The following ZDHHC14 variants were observed in gnomAD, a reference collection of about 807,000 sequenced individuals.
ZDHHC14 encodes the protein palmitoyltransferase ZDHHC14.
In ZDHHC14, 16 loss-of-function variants were observed where a neutral mutation model predicts 47.7. The observed-to-expected ratio is 0.34, with a 90% confidence interval of 0.23 to 0.51. The LOEUF (loss-of-function observed/expected upper bound fraction) is 0.51. Among genes scored for constraint, ZDHHC14 ranks in the 20% least tolerant of loss-of-function variants. ZDHHC14 has a pLI of 0.97. For missense variants in ZDHHC14, 515 were observed against 662.5 expected (o/e 0.78, Z 2.44); for synonymous variants, 293 against 278.9 (o/e 1.05, Z -0.50).
At chr6:157,526,137 G>A (rs2114774929) in intron 1 of ZDHHC14, among the ~76,000 whole-genome samples, 1 of 152,302 alleles carries the variant, frequency 6.6e-6, no homozygotes, top group East Asian at 1.9e-4. Context: ...TACAAGACTG[G>A]CTCTCCTAGC....
intron 1 of ZDHHC14, among the ~76,000 whole-genome samples, chr6:157,418,568 C>T (rs185667261): frequency 1.3e-5 from 2 of 152,240 alleles, no homozygotes; most frequent in South Asian, 2.1e-4. Context: ...TTTAATAAAA[C>T]GTAGGCCTGG....
intron 4 of ZDHHC14, chr6:157,630,893 TACCC>T (rs1785683870): frequency 9.1e-6 from 1 of 110,328 alleles, no homozygotes; most frequent in South Asian, 3.6e-4. Flanking sequence ...CACACATCCT[TACCC>T]ACATTTACAC....
chr6:157,556,817 A>G lies in ZDHHC14; in HGVS notation c.406+14072A>G, dbSNP rs534873189. ...GGAAGAGATGGCTGCCACCAGCTGA[A>G]GGACAGGCCCGGGCGGGTTCCAGGC... On this transcript the variant is annotated intron_variant, in intron 2 of 8. Coordinates refer to ENST00000359775, the MANE Select transcript of ZDHHC14 (RefSeq NM_024630.3). 1.1e-4 allele frequency among the ~76,000 whole-genome samples: 16 copies of G among 152,308 alleles called. No homozygotes were observed. The South Asian group carries it at 2.1e-3, about 20-fold the overall frequency.
intron 3 of ZDHHC14, 125 bp from the exon 4 acceptor site, chr6:157,628,223 TA>T: frequency 1.0e-6 from 1 of 970,294 alleles, no homozygotes; most frequent in Non-Finnish European, 1.5e-6. Flanking sequence ...AATTTGGAAA[TA>T]TGCAGAATAA....
intron 3 of ZDHHC14, among the ~76,000 whole-genome samples, chr6:157,610,858 G>C (rs924778992): frequency 1.3e-5 from 2 of 152,206 alleles, no homozygotes; most frequent in Non-Finnish European, 2.9e-5. Context: ...CAGCCAATTC[G>C]TAATCAGAGT....
intron 1 of ZDHHC14, among the ~76,000 whole-genome samples, chr6:157,467,523 A>ATTTC (rs1779248953): frequency 7.7e-6 from 1 of 129,992 alleles, no homozygotes; most frequent in African/African-American, 2.7e-5. Context: ...CATTTTATTT[A>ATTTC]TTTATTTATT....
chr6:157,473,655 T>C (rs1265968347), intron 1 of ZDHHC14, among the ~76,000 whole-genome samples: 2 of 152,138 alleles, frequency 1.3e-5, no homozygotes, highest in African/African-American at 4.8e-5. Flanking sequence ...TCCAAAATGC[T>C]CCCAAATCCA....
At chr6:157,432,054 C>G (rs185513706) in intron 1 of ZDHHC14, among the ~76,000 whole-genome samples, 8 of 152,194 alleles carry the variant, frequency 5.3e-5, no homozygotes, top group Non-Finnish European at 2.9e-5. Context: ...GGAAATGTTG[C>G]TTTCATTTTT....
intron 1 of ZDHHC14, among the ~76,000 whole-genome samples, chr6:157,385,319 A>AC (rs1429064012): frequency 6.8e-6 from 1 of 148,082 alleles, no homozygotes; most frequent in Non-Finnish European, 1.5e-5. Context: ...CCTGGGCTCA[A>AC]GCGATCTCCT....
intron 1 of ZDHHC14, among the ~76,000 whole-genome samples, chr6:157,422,572 C>T (rs927254153): frequency 1.4e-4 from 21 of 152,116 alleles, no homozygotes; most frequent in Non-Finnish European, 2.4e-4. Context: ...TCATAGAACC[C>T]GAGGTAACTG....
chr6:157,475,499 G>C (rs1779459793), intron 1 of ZDHHC14, among the ~76,000 whole-genome samples: 1 of 151,766 alleles, frequency 6.6e-6, no homozygotes, highest in Non-Finnish European at 1.5e-5. Flanking sequence ...CATGAACATG[G>C]GATATTTTTA....
chr6:157,642,809 G>A (rs1777319541), intron 5 of ZDHHC14, among the ~76,000 whole-genome samples: 2 of 152,228 alleles, frequency 1.3e-5, no homozygotes, highest in Admixed American at 1.3e-4. Flanking sequence ...CATATAGCCA[G>A]TGGGCCAGTA....
At chr6:157,488,632 C>G (rs1187750757) in intron 1 of ZDHHC14, among the ~76,000 whole-genome samples, 1 of 152,136 alleles carries the variant, frequency 6.6e-6, no homozygotes, top group Non-Finnish European at 1.5e-5. Flanking sequence ...TTGCATTTTC[C>G]TTGTAGCCCT....
chr6:157,392,660 T>TGG (rs1777439512), intron 1 of ZDHHC14, among the ~76,000 whole-genome samples: 1 of 151,718 alleles, frequency 6.6e-6, no homozygotes, highest in Non-Finnish European at 1.5e-5. Context: ...TGTGTGTGTG[T>TGG]GTGTGTGTGT....
chr6:157,472,801 A>G (rs1368825944), intron 1 of ZDHHC14, among the ~76,000 whole-genome samples: 4 of 152,164 alleles, frequency 2.6e-5, no homozygotes, highest in Non-Finnish European at 5.9e-5. Context: ...TGCTCTTAGG[A>G]ACTTAGGAAA....
At chr6:157,547,293 A>G (rs1782014018) in intron 2 of ZDHHC14, among the ~76,000 whole-genome samples, 1 of 152,206 alleles carries the variant, frequency 6.6e-6, no homozygotes, top group Admixed American at 6.5e-5. Flanking sequence ...CGCAGAACCA[A>G]TCACTTTACT....
In ZDHHC14 at chr6:157,645,769, T is replaced by C. The variant is rs1777518077; in HGVS notation, c.785T>C (p.Val262Ala). The part of the protein sequence containing the change: ...VLEAVVCFFS[V>A]WSIVGLSGFH... The stretch of plus-strand genomic sequence containing the variant: ...GAGGCTGTGGTGTGCTTCTTCTCTG[T>C]CTGGTCCATCGTTGGCCTCTCAGGA... Residue 262 changes from valine (V) to alanine (A), a missense_variant, in exon 6 of 9, where the codon GTC (valine) becomes GCC (alanine). Val to Ala is a moderately conservative substitution (Grantham distance 64, BLOSUM62 0). Coordinates refer to ENST00000359775, the MANE Select transcript of ZDHHC14 (RefSeq NM_024630.3). The C allele has an allele frequency of 1.9e-6, 3 of 1,614,138 alleles. No individual in the cohort carries two copies. The highest frequency in any genetic ancestry group is 8.5e-7 in the Non-Finnish European group (1 of 1,180,018).
In ZDHHC14 at chr6:157,555,840, C is replaced by T. The variant is rs145421980; in HGVS notation, c.406+13095C>T. Among the ~76,000 whole-genome samples the T allele has an allele frequency of 5.4e-3, 817 of 152,274 alleles. 7 individuals are homozygous for T. The highest frequency in any genetic ancestry group is 6.0e-3 in the Non-Finnish European group (406 of 68,030). ...CAAAAAAATTATCTCCCGACATTGC[C>T]AAATGTCCCCTTGGGCACAAAGTCA... On this transcript the variant is annotated intron_variant, in intron 2 of 8. Transcript: ENST00000359775.
chr6:157,672,405 C>T (rs1778836621), intron 8 of ZDHHC14, among the ~76,000 whole-genome samples: 1 of 152,146 alleles, frequency 6.6e-6, no homozygotes. Context: ...GTGACTCTGT[C>T]CAAGAGATTT....
Sources: gnomAD v4.1 joint callset for allele counts (sites outside exome capture counted in the v4.1 genomes callset) on GRCh38, gnomAD v4.1.1 for gene constraint, MANE v1.5 for transcripts, NCBI Gene and HGNC (gene_info 2026-07-23, HGNC 2026-07-21) for gene names.